Variants in SOD2 observed in about 807,000 individuals in gnomAD.
SOD2 encodes superoxide dismutase 2.
A neutral mutation model predicts 27.0 loss-of-function variants in SOD2; 11 were observed. The observed-to-expected ratio is 0.41, with a 90% CI of 0.26 to 0.67. The LOEUF is 0.67. Among genes scored for constraint, SOD2 ranks in the 30% least tolerant of loss-of-function variants. The pLI is 0.34. For synonymous variants in SOD2, 105 were observed against 103.0 expected (o/e 1.02, Z -0.12); for missense variants, 250 against 274.5 (o/e 0.91, Z 0.63).
intron 1 of SOD2, among the ~76,000 whole-genome samples, chr6:159,740,384 G>A (rs1779180164): frequency 6.6e-6 from 1 of 152,196 alleles, no homozygotes; most frequent in Non-Finnish European, 1.5e-5. Context: ...ATTCATGTAA[G>A]ACTTTTAGGC....
chr6:159,714,784 G>A (rs1226305367), intron 1 of SOD2, among the ~76,000 whole-genome samples: 1 of 152,140 alleles, frequency 6.6e-6, no homozygotes, highest in Non-Finnish European at 1.5e-5. Flanking sequence ...TGTCTGGCTG[G>A]AGTAGAGCAG....
At chr6:159,712,281 C>G in intron 1 of SOD2, among the ~76,000 whole-genome samples, 1 of 145,838 alleles carries the variant, frequency 6.9e-6, no homozygotes, top group Non-Finnish European at 1.5e-5. Flanking sequence ...ACTCACATTG[C>G]TCTGATCACC....
At chr6:159,734,086 G>A (rs1047916599) in intron 1 of SOD2, among the ~76,000 whole-genome samples, 8 of 152,176 alleles carry the variant, frequency 5.3e-5, no homozygotes, top group African/African-American at 1.2e-4. Context: ...GAGATTGTAC[G>A]TAGTATAAAA....
chr6:159,702,399 T>C (rs1296163181), intron 1 of SOD2, among the ~76,000 whole-genome samples: 1 of 150,954 alleles, frequency 6.6e-6, no homozygotes, highest in African/African-American at 2.4e-5. Flanking sequence ...CAGGTTGAAG[T>C]GATTCTTGTG....
intron 1 of SOD2, among the ~76,000 whole-genome samples, chr6:159,756,600 T>TTTC (rs1386743746): frequency 6.8e-6 from 1 of 147,678 alleles, no homozygotes; most frequent in Non-Finnish European, 1.5e-5. Flanking sequence ...TAGGCTTTTT[T>TTTC]TTTTTTTTTT....
chr6:159,748,132 C>T, upstream of SOD2: 4 of 1,532,346 alleles, frequency 2.6e-6, no homozygotes, highest in Non-Finnish European at 3.5e-6. The surrounding 1 kb of genome is among the most constrained non-coding windows in gnomAD (Gnocchi z 5.6). Flanking sequence ...GAGTTTTCCC[C>T]ACCTTCTTAT....
chr6:159,734,408 C>T (rs1485747300), intron 1 of SOD2, among the ~76,000 whole-genome samples: 1 of 150,926 alleles, frequency 6.6e-6, no homozygotes, highest in Non-Finnish European at 1.5e-5. Context: ...TTTAACATAC[C>T]AAGCTTTTGG....
upstream of SOD2, among the ~76,000 whole-genome samples, chr6:159,747,023 C>A (rs1779616124): frequency 6.6e-6 from 1 of 152,142 alleles, no homozygotes; most frequent in African/African-American, 2.4e-5. Context: ...ATTGACTATG[C>A]AGTTGTACTA....
upstream of SOD2, among the ~76,000 whole-genome samples, chr6:159,728,457 G>A (rs1337072076): frequency 1.3e-5 from 2 of 152,116 alleles, no homozygotes; most frequent in Admixed American, 1.3e-4. Context: ...AGTCTGGTAG[G>A]GAAATACTTC....
At chr6:159,734,928 TG>T (rs1778812249) in intron 1 of SOD2, among the ~76,000 whole-genome samples, 1 of 152,200 alleles carries the variant, frequency 6.6e-6, no homozygotes, top group Admixed American at 6.5e-5. Context: ...TGTGTGGATT[TG>T]TAGTTTAATG....
chr6:159,743,592 C>T, intron 1 of SOD2: 1 of 1,397,482 alleles, frequency 7.2e-7, no homozygotes, highest in African/African-American at 1.5e-5. Flanking sequence ...GACCCTAGTT[C>T]TTATTGTTCT....
chr6:159,743,639 T>A, intron 1 of SOD2: 1 of 1,571,048 alleles, frequency 6.4e-7, no homozygotes, highest in South Asian at 1.2e-5. Context: ...TAAAATTGTA[T>A]TTATAATTTT....
upstream of SOD2, among the ~76,000 whole-genome samples, chr6:159,697,287 T>C (rs116216823): frequency 3.5e-3 from 537 of 152,308 alleles, 4 homozygotes; most frequent in African/African-American, 0.012. Flanking sequence ...GTGGGGTTTT[T>C]TTCTGCTTTT....
rs1779716769 is a variant in SOD2 at position 159,673,764 on chromosome 6, A to C, written c.*8729T>G. On this transcript the variant is annotated 3_prime_UTR_variant, in exon 5 of 5. Coordinates refer to ENST00000538183, the MANE Select transcript of SOD2 (RefSeq NM_000636.4). Reference sequence around the variant, plus strand: ...ACTAAGATCAGAGCAGAACTGAAGGAGACAGAGACACAAAAAAACCTTCAA... The same window carrying C: ...ACTAAGATCAGAGCAGAACTGAAGGCGACAGAGACACAAAAAAACCTTCAA... 1.3e-5 allele frequency: 2 copies of C among 152,230 alleles called. No individual in the cohort carries two copies. The highest frequency in any genetic ancestry group is 4.1e-4 in the South Asian group (2 of 4,834). The allele number at this position is 152,230 out of a possible 1,614,324, so 9.4% of individuals were successfully genotyped here.
intron 2 of SOD2, 107 bp downstream of exon 2, chr6:159,692,554 A>T: frequency 6.5e-7 from 1 of 1,546,816 alleles, no homozygotes. Context: ...AACCGGTACA[A>T]ATACGAAGCG....
intron 1 of SOD2, among the ~76,000 whole-genome samples, chr6:159,712,222 A>T (rs1777810388): frequency 7.9e-6 from 1 of 126,310 alleles, no homozygotes; most frequent in Non-Finnish European, 1.7e-5. Flanking sequence ...CCACCTCCAT[A>T]ACCACCACTC....
chr6:159,762,132 G>C, exon 1 of SOD2: 1 of 1,612,380 alleles, frequency 6.2e-7, no homozygotes, highest in Non-Finnish European at 8.5e-7. Context: ...CGGCGGCGCG[G>C]ACCATCATAG....
Position 159,682,591 on chromosome 6 carries a change from G to A in SOD2, c.571C>T (p.Leu191Phe). 6 of 1,613,804 alleles carry A rather than the reference G, an allele frequency of 3.7e-6. No individual in the cohort carries two copies. The highest frequency in any genetic ancestry group is 1.3e-5 in the African/African-American group (1 of 75,022). The change falls in exon 5 of 5, where the codon CTT becomes TTT. Residue 191 changes from leucine to phenylalanine, a missense_variant. By Grantham distance (22) the Leu-to-Phe change is conservative. Transcript: ENST00000538183. ...GIDVWEHAYY[L>F]QYKNVRPDYL... The stretch of plus-strand genomic sequence containing the variant: ...TCAGGCCTGACATTTTTATACTGAA[G>A]GTAGTAAGCGTGCTCCCACACATCA...
upstream of SOD2, chr6:159,727,775 C>G: frequency 2.1e-6 from 2 of 965,886 alleles, no homozygotes; most frequent in Non-Finnish European, 2.5e-6. Flanking sequence ...CGCAGCCGCC[C>G]CCGGCGGGTA....
Sources: allele counts gnomAD v4.1 joint callset (sites outside exome capture counted in the v4.1 genomes callset), GRCh38; gene constraint gnomAD v4.1.1; non-coding constraint Gnocchi (gnomAD v3.1); transcripts MANE v1.5; gene names NCBI Gene and HGNC (gene_info 2026-07-23, HGNC 2026-07-21).